EYA1: variants seen among roughly 807,000 people sequenced by gnomAD.
EYA1 encodes EYA transcriptional coactivator and phosphatase 1.
EYA1 carries 16 observed loss-of-function variants against 82.0 expected under a neutral mutation model. That is an observed-to-expected ratio of 0.20 (90% confidence interval 0.13 to 0.30). The LOEUF is 0.30. EYA1 is among the 10% of genes least tolerant of loss of function. The pLI is 1.00. For missense variants in EYA1, 633 were observed against 730.7 expected (o/e 0.87, Z 1.54); for synonymous variants, 261 against 264.4 (o/e 0.99, Z 0.12).
intron 11 of EYA1, among the ~76,000 whole-genome samples, chr8:71,268,039 T>C (rs1488147234): frequency 2.0e-5 from 3 of 152,220 alleles, no homozygotes; most frequent in Admixed American, 1.3e-4. Context: ...AGCCAGGCAT[T>C]TCTAGGTTAA....
chr8:71,232,683 C>CT (rs111907048), intron 12 of EYA1, among the ~76,000 whole-genome samples: 1,571 of 143,948 alleles, frequency 0.011, 16 homozygotes, highest in African/African-American at 0.03. Flanking sequence ...TTTTTCTTTT[C>CT]TTTTTTTTTT....
intron 2 of EYA1, among the ~76,000 whole-genome samples, chr8:71,479,691 A>G (rs1228329359): frequency 1.6e-5 from 2 of 123,466 alleles, no homozygotes; most frequent in South Asian, 2.8e-4. Flanking sequence ...AGCACCTGAT[A>G]TCACAGCTAT....
intron 3 of EYA1, among the ~76,000 whole-genome samples, chr8:71,351,036 T>C (rs1826257502): frequency 6.6e-6 from 1 of 152,180 alleles, no homozygotes; most frequent in South Asian, 2.1e-4. Flanking sequence ...ACAAATCCTC[T>C]CAGATTTGAT....
At chr8:71,299,815 G>C in intron 7 of EYA1, 95 bp from the exon 8 acceptor site, 2 of 767,582 alleles carry the variant, frequency 2.6e-6, no homozygotes, top group Non-Finnish European at 4.7e-6. Flanking sequence ...ATTGGTATTT[G>C]GTTTATCTTC....
At chr8:71,355,391 A>T (rs1826760800) in intron 2 of EYA1, among the ~76,000 whole-genome samples, 1 of 152,196 alleles carries the variant, frequency 6.6e-6, no homozygotes, top group South Asian at 2.1e-4. Flanking sequence ...TTTACCACCC[A>T]GTTGTAATTT....
intron 2 of EYA1, among the ~76,000 whole-genome samples, chr8:71,488,311 GGAT>G (rs1358729172): frequency 6.6e-6 from 1 of 151,360 alleles, no homozygotes; most frequent in African/African-American, 2.4e-5. Flanking sequence ...ATGATATAAA[GGAT>G]AATATAATAT....
chr8:71,256,374 T>G (rs1814419798), intron 11 of EYA1, among the ~76,000 whole-genome samples: 1 of 152,114 alleles, frequency 6.6e-6, no homozygotes, highest in South Asian at 2.1e-4. Context: ...TATGTAACCT[T>G]AAAAAGGGAG....
At chr8:71,296,676 A>T (rs1819634893) in intron 9 of EYA1, among the ~76,000 whole-genome samples, 1 of 152,026 alleles carries the variant, frequency 6.6e-6, no homozygotes, top group African/African-American at 2.4e-5. Context: ...AGAGACATTC[A>T]TTATTTTAAC....
At chr8:71,368,669 AC>A (rs1445536432) in intron 2 of EYA1, among the ~76,000 whole-genome samples, 3 of 152,134 alleles carry the variant, frequency 2.0e-5, no homozygotes, top group African/African-American at 7.2e-5. Flanking sequence ...GTCACAGTAT[AC>A]CTCTTTTGGG....
intron 2 of EYA1, among the ~76,000 whole-genome samples, chr8:71,398,505 C>T (rs1266749246): frequency 6.6e-6 from 1 of 152,168 alleles, no homozygotes; most frequent in Non-Finnish European, 1.5e-5. Flanking sequence ...TTTTAGTTTT[C>T]CTTCTAACAG....
At chr8:71,425,172 A>G (rs1463558648) in intron 2 of EYA1, among the ~76,000 whole-genome samples, 1 of 150,566 alleles carries the variant, frequency 6.6e-6, no homozygotes. Flanking sequence ...AGTCCCAGCT[A>G]TTCGGGAGGC....
chr8:71,204,707 C>G (rs948286356), intron 17 of EYA1, among the ~76,000 whole-genome samples: 8 of 152,170 alleles, frequency 5.3e-5, no homozygotes, highest in Non-Finnish European at 2.9e-5. Context: ...TAAAAAAATA[C>G]TTATTTGTGC....
chr8:71,340,041 CTCTTCTCTT>C (rs1266182224), intron 3 of EYA1, among the ~76,000 whole-genome samples: 1 of 152,144 alleles, frequency 6.6e-6, no homozygotes, highest in Admixed American at 6.6e-5. Context: ...TACCTTCTGC[CTCTTCTCTT>C]ATGAAAGTTA....
chr8:71,260,656 T>C (rs183924211), intron 11 of EYA1, among the ~76,000 whole-genome samples: 10 of 152,322 alleles, frequency 6.6e-5, no homozygotes, highest in Admixed American at 6.5e-4. Flanking sequence ...TACCTACATT[T>C]TGAATTTCTG....
chr8:71,493,049 A>T (rs1013448930), intron 2 of EYA1, among the ~76,000 whole-genome samples: 1 of 152,226 alleles, frequency 6.6e-6, no homozygotes, highest in Non-Finnish European at 1.5e-5. Context: ...TCTACTAAGG[A>T]TAATGGCCTC....
intron 7 of EYA1, among the ~76,000 whole-genome samples, chr8:71,313,044 C>T (rs1821525362): frequency 6.6e-6 from 1 of 152,170 alleles, no homozygotes; most frequent in Non-Finnish European, 1.5e-5. Flanking sequence ...TGGTTGATGA[C>T]TGTCTCTCTC....
At chr8:71,261,595 AAAT>A (rs1448078056) in intron 11 of EYA1, among the ~76,000 whole-genome samples, 1 of 152,228 alleles carries the variant, frequency 6.6e-6, no homozygotes, top group African/African-American at 2.4e-5. Context: ...AACACCATGA[AAAT>A]AATACTCAAG....
At chr8:71,306,628 C>T (rs992424706) in intron 7 of EYA1, among the ~76,000 whole-genome samples, 6 of 152,106 alleles carry the variant, frequency 3.9e-5, no homozygotes, top group Non-Finnish European at 7.3e-5. Flanking sequence ...ACTGCTATAT[C>T]GGAAACTCAC....
intron 11 of EYA1, among the ~76,000 whole-genome samples, chr8:71,265,920 C>T (rs1438464257): frequency 6.6e-6 from 1 of 152,238 alleles, no homozygotes; most frequent in Admixed American, 6.5e-5. Context: ...TTGTCCCTAT[C>T]ACCTTTGTTA....
Sources: gnomAD v4.1 joint callset for allele counts (sites outside exome capture counted in the v4.1 genomes callset) on GRCh38, gnomAD v4.1.1 for gene constraint, MANE v1.5 for transcripts, NCBI Gene and HGNC (gene_info 2026-07-23, HGNC 2026-07-21) for gene names.